NXPH1: variants seen among roughly 807,000 people sequenced by gnomAD.
NXPH1 encodes neurexophilin-1.
Under a neutral mutation model 23.7 loss-of-function variants are expected in NXPH1, and 5 were observed. That is an observed-to-expected ratio of 0.21 (90% CI 0.11 to 0.44). The LOEUF (loss-of-function observed/expected upper bound fraction) is 0.44. Among genes scored for constraint, NXPH1 ranks in the 20% least tolerant of loss-of-function variants. The pLI, the probability that NXPH1 is intolerant of heterozygous loss-of-function variation, is 0.99. For missense variants in NXPH1, 324 were observed against 321.6 expected, an observed-to-expected ratio of 1.01 and a Z score of -0.06; for synonymous variants, 144 against 122.2, an observed-to-expected ratio of 1.18 and a Z score of -1.18.
chr7:8,469,386 A>G (rs4725096), intron 2 of NXPH1, among the ~76,000 whole-genome samples: 90,242 of 151,892 alleles, frequency 0.59, 29,429 homozygotes, highest in African/African-American at 0.87. Flanking sequence ...TTTACCGCCA[A>G]ACACTGTGCT....
rs139343529 is a variant in NXPH1, at chr7:8,688,073, T to A, written c.55-62935T>A. Among the ~76,000 whole-genome samples the A allele has an allele frequency of 5.0e-3, 754 of 152,208 alleles. 5 individuals carry two copies. Among genetic ancestry groups the A allele is most frequent in the Non-Finnish European group, 8.8e-3 (595 of 67,974 alleles). On this transcript the variant is annotated intron_variant, in intron 2 of 2. Coordinates refer to ENST00000405863, the MANE Select transcript of NXPH1 (RefSeq NM_152745.3). ...GTGGTTCTTTGTATAAATGCAATCA[T>A]TATGAAATGTACATTATGACTTGCT... is the stretch of plus-strand genomic sequence containing the variant.
intron 2 of NXPH1, among the ~76,000 whole-genome samples, chr7:8,561,442 T>A (rs1466910858): frequency 3.3e-5 from 5 of 151,374 alleles, no homozygotes; most frequent in African/African-American, 1.2e-4. Flanking sequence ...TGGGCTGTTT[T>A]CAGTAATTAG....
chr7:8,725,534 T>A (rs1780037648), intron 2 of NXPH1, among the ~76,000 whole-genome samples: 1 of 151,736 alleles, frequency 6.6e-6, no homozygotes. Flanking sequence ...GTACTCTAAG[T>A]TGGATGTGTT....
At chr7:8,632,630 TAGAA>T (rs1305278384) in intron 2 of NXPH1, among the ~76,000 whole-genome samples, 1 of 152,192 alleles carries the variant, frequency 6.6e-6, no homozygotes, top group African/African-American at 2.4e-5. Context: ...TCTTCTGAAT[TAGAA>T]AGCATTCTCC....
At chr7:8,563,232 T>C (rs566308965) in intron 2 of NXPH1, among the ~76,000 whole-genome samples, 1 of 151,770 alleles carries the variant, frequency 6.6e-6, no homozygotes. Context: ...TGATTTCTAG[T>C]GTACAGCACT....
chr7:8,678,171 T>A (rs1338543786), intron 2 of NXPH1, among the ~76,000 whole-genome samples: 1 of 152,124 alleles, frequency 6.6e-6, no homozygotes, highest in Admixed American at 6.6e-5. Flanking sequence ...GTGTTTTAGG[T>A]CGCTAGTACA....
intron 2 of NXPH1, among the ~76,000 whole-genome samples, chr7:8,635,508 A>C (rs1820205453): frequency 6.6e-6 from 1 of 152,222 alleles, no homozygotes; most frequent in Non-Finnish European, 1.5e-5. Flanking sequence ...CTCCATTATC[A>C]AGACCACTGC....
intron 2 of NXPH1, among the ~76,000 whole-genome samples, chr7:8,743,470 C>T (rs1048386755): frequency 6.6e-6 from 1 of 152,016 alleles, no homozygotes; most frequent in Non-Finnish European, 1.5e-5. Context: ...TTGTCACGTA[C>T]AGCCAGAATA....
rs532207396 is a variant in NXPH1, at chr7:8,694,408, C to T, written c.55-56600C>T. Among the ~76,000 whole-genome samples the T allele has an allele frequency of 3.9e-5, 6 of 152,200 alleles. No homozygotes were observed. The South Asian group carries it at 8.3e-4, about 21-fold the overall frequency. On this transcript the variant is annotated intron_variant, in intron 2 of 2. Coordinates refer to ENST00000405863, the MANE Select transcript of NXPH1 (RefSeq NM_152745.3). The stretch of plus-strand genomic sequence containing the variant: ...TAGCTCAGTGCTTTTGGGGGAACCA[C>T]AGGGATGACATTTTTTGGGAATGGT...
chr7:8,654,991 G>T (rs887153470), intron 2 of NXPH1, among the ~76,000 whole-genome samples: 1 of 152,080 alleles, frequency 6.6e-6, no homozygotes, highest in African/African-American at 2.4e-5. Flanking sequence ...TATCCAGATT[G>T]CTTATTTAAT....
At chr7:8,639,267 A>G (rs1562439124) in intron 2 of NXPH1, among the ~76,000 whole-genome samples, 2 of 152,194 alleles carry the variant, frequency 1.3e-5, no homozygotes, top group African/African-American at 4.8e-5. Context: ...AATTTGGAAA[A>G]AAAATAGTCT....
intron 2 of NXPH1, among the ~76,000 whole-genome samples, chr7:8,496,661 C>G (rs564673474): frequency 6.6e-6 from 1 of 152,030 alleles, no homozygotes; most frequent in Non-Finnish European, 1.5e-5. Flanking sequence ...TGGGCCCCAT[C>G]CCAGAACTCA....
At chr7:8,729,337 C>A (rs1780110623) in intron 2 of NXPH1, among the ~76,000 whole-genome samples, 1 of 139,868 alleles carries the variant, frequency 7.1e-6, no homozygotes, top group Non-Finnish European at 1.5e-5. Context: ...GTCTCTATTT[C>A]CTTCAGTTCT....
chr7:8,665,671 A>T (rs916329058), intron 2 of NXPH1, among the ~76,000 whole-genome samples: 2 of 151,918 alleles, frequency 1.3e-5, no homozygotes, highest in Non-Finnish European at 2.9e-5. Context: ...CTTGCTATTT[A>T]ATGTGTTTAA....
chr7:8,579,224 C>A (rs1394259736), intron 2 of NXPH1, among the ~76,000 whole-genome samples: 1 of 152,118 alleles, frequency 6.6e-6, no homozygotes, highest in Non-Finnish European at 1.5e-5. Context: ...AGCGAGCAAC[C>A]AAATACCTGC....
intron 2 of NXPH1, among the ~76,000 whole-genome samples, chr7:8,626,907 C>G (rs919953556): frequency 1.3e-5 from 2 of 152,096 alleles, no homozygotes; most frequent in Non-Finnish European, 2.9e-5. Flanking sequence ...CTCAGACTCC[C>G]TCTTTACCAG....
chr7:8,643,926 T>C (rs1481210026), intron 2 of NXPH1, among the ~76,000 whole-genome samples: 1 of 152,172 alleles, frequency 6.6e-6, no homozygotes, highest in Non-Finnish European at 1.5e-5. Flanking sequence ...TTTGTTCTTA[T>C]TTTAGTATTA....
chr7:8,663,956 G>A (rs1365086225), intron 2 of NXPH1, among the ~76,000 whole-genome samples: 1 of 151,794 alleles, frequency 6.6e-6, no homozygotes, highest in African/African-American at 2.4e-5. Flanking sequence ...CTTTCCATCC[G>A]TAACAGATTT....
At chr7:8,520,074 G>A (rs1171815666) in intron 2 of NXPH1, among the ~76,000 whole-genome samples, 3 of 151,824 alleles carry the variant, frequency 2.0e-5, no homozygotes, top group Non-Finnish European at 4.4e-5. Flanking sequence ...AAAAAGAATG[G>A]GGTTATAAAC....
Sources: gnomAD v4.1 joint callset for allele counts (sites outside exome capture counted in the v4.1 genomes callset) on GRCh38, gnomAD v4.1.1 for gene constraint, MANE v1.5 for transcripts, NCBI Gene and HGNC (gene_info 2026-07-23, HGNC 2026-07-21) for gene names.